CFAP54: variants seen among roughly 807,000 people sequenced by gnomAD.
The protein encoded by CFAP54 is cilia and flagella associated protein 54.
In CFAP54, 290 loss-of-function variants were observed where a neutral mutation model predicts 370.4. That is an observed-to-expected ratio of 0.78 (90% confidence interval 0.71 to 0.86). CFAP54 has a LOEUF of 0.86. CFAP54 is among the 40% of genes least tolerant of loss of function. The pLI, the probability that CFAP54 is intolerant of heterozygous loss-of-function variation, is 0.00. For missense variants in CFAP54, 3,399 were observed against 3,528.7 expected, an observed-to-expected ratio of 0.96 and a Z score of 0.93; for synonymous variants, 1,206 against 1,236.5, an observed-to-expected ratio of 0.98 and a Z score of 0.52.
At chr12:96,579,370 A>G (rs1002144862) in intron 20 of CFAP54, among the ~76,000 whole-genome samples, 43 of 152,304 alleles carry the variant, frequency 2.8e-4, no homozygotes, top group African/African-American at 1.0e-3. Context: ...GAAGCTAGAC[A>G]GGCTTGGGTA....
chr12:96,819,320 A>G (rs925075458), intron 65 of CFAP54, among the ~76,000 whole-genome samples: 1 of 152,198 alleles, frequency 6.6e-6, no homozygotes, highest in Non-Finnish European at 1.5e-5. Flanking sequence ...GGCACATTAC[A>G]CACTGGCTCA....
intron 4 of CFAP54, among the ~76,000 whole-genome samples, chr12:96,509,815 C>A (rs865864504): frequency 1.7e-4 from 25 of 145,090 alleles, no homozygotes; most frequent in Admixed American, 2.8e-4. Context: ...GTCTCCATCT[C>A]AAAAAAAAAA....
At chr12:96,806,328 A>T (rs1376854992) in intron 63 of CFAP54, among the ~76,000 whole-genome samples, 1 of 150,572 alleles carries the variant, frequency 6.6e-6, no homozygotes, top group Admixed American at 6.6e-5. Flanking sequence ...ATGGATAAGG[A>T]TGATCAAGTG....
At chr12:96,538,724 G>C in intron 13 of CFAP54, 1 of 526,020 alleles carries the variant, frequency 1.9e-6, no homozygotes, top group Non-Finnish European at 3.2e-6. Flanking sequence ...TTCTAATTTT[G>C]TTTGTTGTGA....
intron 34 of CFAP54, among the ~76,000 whole-genome samples, chr12:96,649,092 G>A (rs1956830553): frequency 1.3e-5 from 2 of 152,260 alleles, no homozygotes; most frequent in Non-Finnish European, 2.9e-5. Flanking sequence ...CATTTTAAGT[G>A]CTATGGGATT....
intron 13 of CFAP54, among the ~76,000 whole-genome samples, chr12:96,540,396 G>A (rs756222785): frequency 8.5e-5 from 13 of 152,064 alleles, no homozygotes; most frequent in Non-Finnish European, 1.6e-4. Context: ...CACCGTGCCC[G>A]GCCATGAAAG....
chr12:96,853,174 C>T (rs1332462188), intron 66 of CFAP54, among the ~76,000 whole-genome samples: 2 of 151,994 alleles, frequency 1.3e-5, no homozygotes, highest in Non-Finnish European at 2.9e-5. Context: ...TTGGAAGTAA[C>T]TCAACTGGCC....
chr12:96,506,593 T>TC lies in CFAP54; in HGVS notation c.568-335_568-334insC, dbSNP rs547323672. Among the ~76,000 whole-genome samples the TC allele has an allele frequency of 1.0e-4, 15 of 150,084 alleles. 1 individual carries two copies. The South Asian group carries it at 1.9e-3, about 19-fold the overall frequency. ...TCTTTTTCTTTCTTTTCTTTTCTTT[T>TC]TTTTTTTTTTGAGATGGAGTTTCTC... On this transcript the variant is annotated intron_variant, in intron 3 of 67. Transcript: ENST00000524981.
At chr12:96,796,045 T>C (rs1180065232) in intron 63 of CFAP54, among the ~76,000 whole-genome samples, 1 of 152,218 alleles carries the variant, frequency 6.6e-6, no homozygotes, top group African/African-American at 2.4e-5. Flanking sequence ...ATCCTTCTCC[T>C]GTGATATGGA....
chr12:96,738,221 C>T (rs1958004150), intron 50 of CFAP54, among the ~76,000 whole-genome samples: 1 of 152,084 alleles, frequency 6.6e-6, no homozygotes, highest in African/African-American at 2.4e-5. Context: ...ATGGCAACTT[C>T]TGGGTTCTGC....
At chr12:96,720,339 A>G (rs1236687125) in intron 49 of CFAP54, 66 bp from the exon 50 acceptor site, 2 of 1,251,580 alleles carry the variant, frequency 1.6e-6, no homozygotes, top group Non-Finnish European at 2.1e-6. Flanking sequence ...AATATTTGCT[A>G]AAGAAGAAAG....
At chr12:96,806,375 A>T (rs1387292983) in intron 63 of CFAP54, among the ~76,000 whole-genome samples, 1 of 150,444 alleles carries the variant, frequency 6.6e-6, no homozygotes, top group Non-Finnish European at 1.5e-5. Context: ...GAAGAGCAAG[A>T]CTCCGTCAAG....
chr12:96,522,249 T>C (rs1189196424), intron 8 of CFAP54, 60 bp downstream of exon 8: 3 of 1,136,544 alleles, frequency 2.6e-6, no homozygotes, highest in African/African-American at 3.1e-5. Context: ...TGTATTATGC[T>C]CCTATGTCTT....
intron 19 of CFAP54, among the ~76,000 whole-genome samples, chr12:96,567,257 G>T (rs999187207): frequency 8.5e-5 from 13 of 152,174 alleles, no homozygotes; most frequent in African/African-American, 3.1e-4. Flanking sequence ...ATGCAATAAG[G>T]GTAGGAGTCG....
chr12:96,730,828 C>CAT (rs1333953490), intron 50 of CFAP54, among the ~76,000 whole-genome samples: 1 of 152,206 alleles, frequency 6.6e-6, no homozygotes, highest in African/African-American at 2.4e-5. Flanking sequence ...TATAAGCCTA[C>CAT]AAGCTTTGAC....
chr12:96,825,861 A>G (rs904618275), intron 65 of CFAP54, among the ~76,000 whole-genome samples: 2 of 136,874 alleles, frequency 1.5e-5, no homozygotes, highest in African/African-American at 5.4e-5. Context: ...ATATAAATTA[A>G]TATATAACAG....
chr12:96,490,028 C>T, intron 1 of CFAP54, 102 bp downstream of exon 1: 6 of 1,138,166 alleles, frequency 5.3e-6, no homozygotes, highest in South Asian at 3.3e-5. Flanking sequence ...TTCAGCGTTG[C>T]GGACGCAGGG....
At chr12:96,771,255 A>G (rs1685010652) in intron 60 of CFAP54, among the ~76,000 whole-genome samples, 1 of 152,192 alleles carries the variant, frequency 6.6e-6, no homozygotes, top group African/African-American at 2.4e-5. Context: ...AGCTAACTAT[A>G]TAAATGGGGA....
chr12:96,578,551 G>A (rs1402726827), intron 20 of CFAP54, among the ~76,000 whole-genome samples: 1 of 152,146 alleles, frequency 6.6e-6, no homozygotes, highest in Non-Finnish European at 1.5e-5. Flanking sequence ...TTAATTTAAT[G>A]ATTAGTTTAT....
Sources: allele counts gnomAD v4.1 joint callset (sites outside exome capture counted in the v4.1 genomes callset), GRCh38; gene constraint gnomAD v4.1.1; transcripts MANE v1.5; gene names NCBI Gene and HGNC (gene_info 2026-07-23, HGNC 2026-07-21).